Variants in DLC1 observed in about 807,000 individuals in gnomAD.
DLC1 encodes DLC1 Rho GTPase activating protein.
DLC1 carries 54 observed loss-of-function variants against 140.3 expected under a neutral mutation model. That is an observed-to-expected ratio of 0.38 (90% CI 0.31 to 0.48). DLC1 has a LOEUF of 0.48. Among genes scored for constraint, DLC1 ranks in the 20% least tolerant of loss-of-function variants. The probability of loss-of-function intolerance (pLI) is 0.96; values close to 1 mark genes in which losing one functional copy is unlikely to be tolerated. For synonymous variants in DLC1, 986 were observed against 728.1 expected (o/e 1.35, Z -5.70); for missense variants, 2,536 against 1,907.0 (o/e 1.33, Z -6.14).
chr8:13,419,313 C>T (rs1416478072), intron 2 of DLC1, among the ~76,000 whole-genome samples: 1 of 151,900 alleles, frequency 6.6e-6, no homozygotes, highest in Non-Finnish European at 1.5e-5. Flanking sequence ...GGGAATGCTT[C>T]CAGTTTTTGC....
At chr8:13,243,496 G>C (rs895256464) in intron 5 of DLC1, among the ~76,000 whole-genome samples, 1 of 151,976 alleles carries the variant, frequency 6.6e-6, no homozygotes, top group South Asian at 2.1e-4. Context: ...AGGTAGTTTT[G>C]TACAGCCATG....
At chr8:13,260,314 T>C (rs1216002658) in intron 5 of DLC1, among the ~76,000 whole-genome samples, 2 of 152,104 alleles carry the variant, frequency 1.3e-5, no homozygotes, top group Non-Finnish European at 2.9e-5. Flanking sequence ...TAACTTTAGG[T>C]AAGAATGATG....
At chr8:13,103,755 G>A (rs986740156) in intron 7 of DLC1, among the ~76,000 whole-genome samples, 4 of 148,478 alleles carry the variant, frequency 2.7e-5, no homozygotes, top group Admixed American at 6.9e-5. Context: ...AGGAAGAATC[G>A]CTTGAACCTG....
At chr8:13,087,839 T>C (rs1817695866) in intron 16 of DLC1, among the ~76,000 whole-genome samples, 1 of 152,118 alleles carries the variant, frequency 6.6e-6, no homozygotes, top group Non-Finnish European at 1.5e-5. Context: ...TAACCACATC[T>C]CCCTTGGGAC....
intron 2 of DLC1, among the ~76,000 whole-genome samples, chr8:13,415,897 T>C (rs933939182): frequency 6.6e-6 from 1 of 152,150 alleles, no homozygotes; most frequent in Non-Finnish European, 1.5e-5. Context: ...CCCCAAGAAG[T>C]CCAACTGATG....
intron 4 of DLC1, among the ~76,000 whole-genome samples, chr8:13,378,594 A>G (rs1191592078): frequency 6.6e-6 from 1 of 152,188 alleles, no homozygotes; most frequent in Non-Finnish European, 1.5e-5. Flanking sequence ...ACTTATTTAC[A>G]AACCTTTCAA....
intron 5 of DLC1, among the ~76,000 whole-genome samples, chr8:13,284,088 T>C (rs1309781459): frequency 6.6e-6 from 1 of 152,198 alleles, no homozygotes; most frequent in Non-Finnish European, 1.5e-5. Context: ...CATTAGTTTG[T>C]GTTCTTACCA....
chr8:13,087,180 C>T (rs1017185823), intron 16 of DLC1, among the ~76,000 whole-genome samples: 2 of 152,158 alleles, frequency 1.3e-5, no homozygotes, highest in Admixed American at 6.5e-5. Context: ...GTAGGAGGAT[C>T]GCTTGAGCCC....
At chr8:13,464,041 C>A (rs964060603) in intron 2 of DLC1, among the ~76,000 whole-genome samples, 1 of 152,118 alleles carries the variant, frequency 6.6e-6, no homozygotes, top group Non-Finnish European at 1.5e-5. Context: ...AAGATATAGG[C>A]AAAATGCAAG....
chr8:13,553,228 G>GTA (rs59463537), intron 1 of DLC1, among the ~76,000 whole-genome samples: 777 of 47,442 alleles, frequency 0.016, 19 homozygotes, highest in Middle Eastern at 0.037. Flanking sequence ...ATATATATAT[G>GTA]TATATATATA....
At chr8:13,438,446 T>G (rs919836873) in intron 2 of DLC1, among the ~76,000 whole-genome samples, 1 of 152,168 alleles carries the variant, frequency 6.6e-6, no homozygotes, top group Non-Finnish European at 1.5e-5. Flanking sequence ...ATAGCCAGAA[T>G]GATCGCTATA....
intron 5 of DLC1, among the ~76,000 whole-genome samples, chr8:13,301,291 G>A (rs1563236344): frequency 6.6e-6 from 1 of 151,438 alleles, no homozygotes; most frequent in Non-Finnish European, 1.5e-5. Flanking sequence ...GACAATCTTT[G>A]AATTAATTCA....
chr8:13,332,453 T>C (rs1463130872), intron 4 of DLC1, among the ~76,000 whole-genome samples: 1 of 143,984 alleles, frequency 6.9e-6, no homozygotes, highest in Non-Finnish European at 1.5e-5. Context: ...TTTTTTAAGA[T>C]GGGGTCTCGC....
intron 3 of DLC1, among the ~76,000 whole-genome samples, chr8:13,397,450 G>C (rs546225091): frequency 6.6e-6 from 1 of 152,264 alleles, no homozygotes; most frequent in East Asian, 1.9e-4. Context: ...ATCTGATGCT[G>C]TGGTGAGAGA....
intron 4 of DLC1, among the ~76,000 whole-genome samples, chr8:13,327,345 A>C (rs1833407089): frequency 6.6e-6 from 1 of 152,080 alleles, no homozygotes; most frequent in Non-Finnish European, 1.5e-5. Flanking sequence ...ACCAAGAAAG[A>C]CTATTTCTAG....
At chr8:13,575,605 G>A (rs555460111) in intron 1 of DLC1, among the ~76,000 whole-genome samples, 2 of 152,160 alleles carry the variant, frequency 1.3e-5, no homozygotes, top group East Asian at 1.9e-4. Context: ...AAAAAATGCA[G>A]TCCTAATTTT....
chr8:13,134,244 C>T (rs1481422183), intron 5 of DLC1, among the ~76,000 whole-genome samples: 2 of 152,198 alleles, frequency 1.3e-5, no homozygotes, highest in African/African-American at 4.8e-5. Context: ...TGAAAATTTA[C>T]TTCGGGGTTA....
At chr8:13,566,748 A>C (rs1804444144) in intron 1 of DLC1, 3 of 506,464 alleles carry the variant, frequency 5.9e-6, no homozygotes, top group African/African-American at 1.9e-5. Context: ...AACCCGGCGC[A>C]AGCAGCGCAA....
intron 5 of DLC1, among the ~76,000 whole-genome samples, chr8:13,144,544 T>G (rs1429536715): frequency 6.6e-6 from 1 of 152,146 alleles, no homozygotes; most frequent in Non-Finnish European, 1.5e-5. Context: ...GGCAGGCAGA[T>G]CACGAGATCA....
Sources: allele counts gnomAD v4.1 joint callset (sites outside exome capture counted in the v4.1 genomes callset), GRCh38; gene constraint gnomAD v4.1.1; transcripts MANE v1.5; gene names NCBI Gene and HGNC (gene_info 2026-07-23, HGNC 2026-07-21).